RORA: variants seen among roughly 807,000 people sequenced by gnomAD.
RORA encodes RAR related orphan receptor A, also known as nuclear receptor ROR-alpha.
In RORA, 7 loss-of-function variants were observed where a neutral mutation model predicts 69.5. The ratio of observed to expected loss-of-function variants is 0.10; its 90% CI spans 0.06 to 0.19. RORA has a LOEUF of 0.19. RORA is among the 10% of genes least tolerant of loss of function. The pLI, the probability that RORA is intolerant of heterozygous loss-of-function variation, is 1.00. For missense variants in RORA, 457 were observed against 663.0 expected, an observed-to-expected ratio of 0.69 and a Z score of 3.41; for synonymous variants, 261 against 240.8, an observed-to-expected ratio of 1.08 and a Z score of -0.78.
At chr15:61,033,172 C>G (rs1159770906) in intron 1 of RORA, among the ~76,000 whole-genome samples, 16 of 152,156 alleles carry the variant, frequency 1.1e-4, no homozygotes. Context: ...GAGCTTGGAA[C>G]AAATTTAGGC....
chr15:60,761,659 T>A (rs1200518020), intron 1 of RORA, among the ~76,000 whole-genome samples: 1 of 152,210 alleles, frequency 6.6e-6, no homozygotes, highest in Non-Finnish European at 1.5e-5. Context: ...TGAAGTTGTC[T>A]CATTTTCCTA....
chr15:61,036,973 T>C (rs984527869), intron 1 of RORA, among the ~76,000 whole-genome samples: 5 of 152,096 alleles, frequency 3.3e-5, no homozygotes, highest in African/African-American at 9.7e-5. Context: ...ACAGGGGATT[T>C]TGATGCAGTC....
At chr15:60,819,832 CT>C (rs1388968029) in intron 1 of RORA, among the ~76,000 whole-genome samples, 1 of 151,184 alleles carries the variant, frequency 6.6e-6, no homozygotes, top group Non-Finnish European at 1.5e-5. Context: ...TGGCCGGCCC[CT>C]CTGCCCTGTC....
chr15:60,984,650 T>C (rs1311241251), intron 1 of RORA, among the ~76,000 whole-genome samples: 1 of 152,140 alleles, frequency 6.6e-6, no homozygotes, highest in Non-Finnish European at 1.5e-5. Context: ...TGCAAGCTTG[T>C]TGTTATTGGT....
At chr15:60,918,172 T>TCATATAACTAA (rs1891936031) in intron 1 of RORA, among the ~76,000 whole-genome samples, 2 of 152,266 alleles carry the variant, frequency 1.3e-5, no homozygotes, top group African/African-American at 4.8e-5. Flanking sequence ...AACTAGTGTG[T>TCATATAACTAA]GGGACTTAAT....
chr15:60,681,470 C>G (rs2070641371), intron 1 of RORA: 1 of 152,186 alleles, frequency 6.6e-6, no homozygotes, highest in South Asian at 2.1e-4. Context: ...GAAAGATGTA[C>G]TCAGATGCTG....
intron 1 of RORA, among the ~76,000 whole-genome samples, chr15:60,798,452 T>A (rs550190688): frequency 6.6e-6 from 1 of 152,282 alleles, no homozygotes; most frequent in Admixed American, 6.5e-5. Context: ...CCATGGACTC[T>A]TATTTTAGAA....
At chr15:60,539,898 T>G (rs2066806068) in intron 2 of RORA, among the ~76,000 whole-genome samples, 1 of 152,126 alleles carries the variant, frequency 6.6e-6, no homozygotes, top group Non-Finnish European at 1.5e-5. Flanking sequence ...ATTAACTACA[T>G]TTTAAAATAT....
At chr15:60,688,982 C>T (rs886393687) in intron 1 of RORA, among the ~76,000 whole-genome samples, 3 of 152,102 alleles carry the variant, frequency 2.0e-5, no homozygotes, top group South Asian at 4.1e-4. Context: ...AGGAGTGAGC[C>T]CTTTCATCAG....
Position 60,929,195 on chromosome 15 carries a change from G to A in RORA, c.167-250509C>T, listed in dbSNP as rs559244417. On this transcript the variant is annotated intron_variant, in intron 1 of 10. Transcript: ENST00000335670. Reference sequence around the variant, plus strand: ...GTAATTTATCATACCTTGTCAAGACGGCAAGCTTTGTGAGGCAAGCGCTCA... The same window carrying A: ...GTAATTTATCATACCTTGTCAAGACAGCAAGCTTTGTGAGGCAAGCGCTCA... Among the ~76,000 whole-genome samples the A allele has an allele frequency of 3.2e-4, 48 of 152,242 alleles. 1 individual carries two copies. In the South Asian group the frequency reaches 8.1e-3, roughly 26 times the overall value.
intron 1 of RORA, among the ~76,000 whole-genome samples, chr15:61,156,014 TA>T (rs1189070363): frequency 6.6e-6 from 1 of 152,160 alleles, no homozygotes; most frequent in East Asian, 1.9e-4. Context: ...AATCCAGCTG[TA>T]ACCATTCACT....
At chr15:60,540,052 A>G (rs1391950825) in intron 2 of RORA, among the ~76,000 whole-genome samples, 4 of 152,330 alleles carry the variant, frequency 2.6e-5, no homozygotes, top group African/African-American at 4.8e-5. Flanking sequence ...TGATTAGACT[A>G]TGCTCAAGGG....
chr15:60,640,495 A>C (rs2069923541), intron 2 of RORA, among the ~76,000 whole-genome samples: 2 of 152,184 alleles, frequency 1.3e-5, no homozygotes, highest in Non-Finnish European at 2.9e-5. Flanking sequence ...CCCTGCCTAA[A>C]ACCCTCCCGT....
Position 60,488,990 on chromosome 15 carries a change from G to C in RORA, c.*8465C>G, listed in dbSNP as rs1391508662. ...AACCCAGGAAAAACGTTTTAATTGG[G>C]GCACACTTGTTATCATTTAACAATT... is the stretch of plus-strand genomic sequence containing the variant. On this transcript the variant is annotated 3_prime_UTR_variant, in exon 11 of 11. Coordinates refer to ENST00000335670, the MANE Select transcript of RORA (RefSeq NM_134261.3). The C allele has an allele frequency of 6.6e-6, 1 of 152,056 alleles. No individual in the cohort carries two copies. The highest frequency in any genetic ancestry group is 1.5e-5 in the Non-Finnish European group (1 of 68,024). The allele number at this position is 152,056 out of a possible 1,614,324, so 9.4% of individuals were successfully genotyped here.
intron 1 of RORA, among the ~76,000 whole-genome samples, chr15:61,135,200 A>G (rs895977009): frequency 6.6e-6 from 1 of 150,782 alleles, no homozygotes; most frequent in African/African-American, 2.4e-5. Context: ...GCGTGGTGGT[A>G]CGTGCCTGCA....
intron 1 of RORA, among the ~76,000 whole-genome samples, chr15:60,835,003 T>C (rs79611837): frequency 0.015 from 2,338 of 152,266 alleles, 19 homozygotes; most frequent in South Asian, 0.03. Flanking sequence ...GTTTCCTAGA[T>C]ATATTTAGAG....
intron 1 of RORA, among the ~76,000 whole-genome samples, chr15:61,137,442 C>T (rs551253344): frequency 1.5e-3 from 235 of 152,330 alleles, no homozygotes; most frequent in Non-Finnish European, 2.7e-3. Flanking sequence ...ACCTTAAGTT[C>T]TTCCTACAAA....
intron 1 of RORA, among the ~76,000 whole-genome samples, chr15:60,790,983 A>T (rs762077575): frequency 6.6e-6 from 1 of 151,610 alleles, no homozygotes; most frequent in Non-Finnish European, 1.5e-5. Flanking sequence ...TGCCCCCCCA[A>T]AAAGCTTCAA....
intron 1 of RORA, among the ~76,000 whole-genome samples, chr15:60,753,097 A>C (rs982451925): frequency 6.6e-6 from 1 of 152,232 alleles, no homozygotes; most frequent in Non-Finnish European, 1.5e-5. Flanking sequence ...AGATATGACA[A>C]TAACAGCTCA....
Sources: allele counts gnomAD v4.1 joint callset (sites outside exome capture counted in the v4.1 genomes callset), GRCh38; gene constraint gnomAD v4.1.1; transcripts MANE v1.5; gene names NCBI Gene and HGNC (gene_info 2026-07-23, HGNC 2026-07-21).